The following PCDHGA2 variants were observed in gnomAD, a reference collection of about 807,000 sequenced individuals.
PCDHGA2 encodes the protein protocadherin gamma subfamily A, 2, also known as protocadherin gamma-A2.
PCDHGA2 carries 40 observed loss-of-function variants against 59.2 expected under a neutral mutation model. The observed-to-expected ratio is 0.68, with a 90% CI of 0.52 to 0.88. The LOEUF (loss-of-function observed/expected upper bound fraction) is 0.88, where lower values mean the gene tolerates loss of function less well. Among genes scored for constraint, PCDHGA2 ranks in the 40% least tolerant of loss-of-function variants. The pLI is 0.00. For synonymous variants in PCDHGA2, 560 were observed against 526.0 expected, an observed-to-expected ratio of 1.06 and a Z score of -0.89; for missense variants, 1,226 against 1,204.0, an observed-to-expected ratio of 1.02 and a Z score of -0.27.
At chr5:141,505,296 G>A (rs1174492966) in intron 2 of PCDHGA2, 97 bp from the exon 3 acceptor site, 1 of 1,584,850 alleles carries the variant, frequency 6.3e-7, no homozygotes, top group Non-Finnish European at 8.6e-7. Context: ...ATGGGGTAGG[G>A]TTAGGGTACT....
Position 141,487,631 on chromosome 5 carries a change from G to T in PCDHGA2, c.2425-7176G>T. Reference sequence around the variant, plus strand: ...TGGGCTAGAGGTGAGACCTTTGCAGGCTCAACAAATGCTTGAGGGTTATTC... The same window carrying T: ...TGGGCTAGAGGTGAGACCTTTGCAGTCTCAACAAATGCTTGAGGGTTATTC... On this transcript the variant is annotated intron_variant, in intron 1 of 3. Transcript: ENST00000394576. The surrounding 1 kb of genome is among the most constrained non-coding windows in gnomAD (Gnocchi z 5.0). The T allele has an allele frequency of 6.2e-7, 1 of 1,614,176 alleles. No individual in the cohort carries two copies. Among genetic ancestry groups the T allele is most frequent in the Non-Finnish European group, 8.5e-7 (1 of 1,180,032 alleles).
At chr5:141,392,665 T>C (rs1169450587) in intron 1 of PCDHGA2, 3 of 818,380 alleles carry the variant, frequency 3.7e-6, no homozygotes, top group Non-Finnish European at 5.4e-6. Context: ...TGCCACAAAC[T>C]AACTGCTGGA....
intron 1 of PCDHGA2, chr5:141,408,692 A>C: frequency 6.2e-7 from 1 of 1,613,906 alleles, no homozygotes; most frequent in Non-Finnish European, 8.5e-7. Context: ...TGATATAAAC[A>C]TAAACTCAAT....
At chr5:141,428,358 G>A in intron 1 of PCDHGA2, 2 of 565,492 alleles carry the variant, frequency 3.5e-6, no homozygotes, top group South Asian at 1.9e-5. Context: ...TGATTTTGGC[G>A]GTCGCCTTGC....
At chr5:141,461,614 T>G (rs954890718) in intron 1 of PCDHGA2, among the ~76,000 whole-genome samples, 11 of 152,208 alleles carry the variant, frequency 7.2e-5, no homozygotes, top group Non-Finnish European at 1.2e-4. Flanking sequence ...TTCAAAGTAT[T>G]TTCTAATACA....
At position 141,427,408 on chromosome 5, in the gene PCDHGA2, G is replaced by C. The variant is rs975709597; in HGVS notation, c.2425-67399G>C. ...TTCAAAACACATGATAAAGATTCGA[G>C]AGAAAATGGGGAGGTTACATGCCTC... On this transcript the variant is annotated intron_variant, in intron 1 of 3. Coordinates refer to ENST00000394576, the MANE Select transcript of PCDHGA2 (RefSeq NM_018915.4). The C allele has an allele frequency of 1.3e-5, 6 of 463,300 alleles. No homozygotes were observed. In the Admixed American group the frequency reaches 1.4e-4, roughly 11 times the overall value. The allele number at this position is 463,300 out of a possible 1,614,324, so 28.7% of individuals were successfully genotyped here. A position where few individuals can be genotyped will look rare whatever the true frequency, so the allele number is the denominator to read the frequency against.
chr5:141,387,634 G>A, intron 1 of PCDHGA2: 3 of 589,412 alleles, frequency 5.1e-6, no homozygotes, highest in South Asian at 2.4e-5. Flanking sequence ...TCTGGGCGCC[G>A]CTGTTGGCCA....
At chr5:141,347,137 C>CTCTCTCTTTCTT (rs375338309) in intron 1 of PCDHGA2, among the ~76,000 whole-genome samples, 10 of 113,744 alleles carry the variant, frequency 8.8e-5, no homozygotes, top group South Asian at 3.1e-4. Flanking sequence ...CTCTGTTTCT[C>CTCTCTCTTTCTT]TCTTTCTTTC....
intron 1 of PCDHGA2, among the ~76,000 whole-genome samples, chr5:141,472,889 G>A (rs1163806093): frequency 6.6e-6 from 1 of 151,392 alleles, no homozygotes; most frequent in Non-Finnish European, 1.5e-5. Context: ...GGGAGGCTGA[G>A]GCAGGAGAAT....
chr5:141,430,987 C>T (rs1171599563), intron 1 of PCDHGA2: 2 of 1,613,690 alleles, frequency 1.2e-6, no homozygotes, highest in African/African-American at 2.7e-5. Context: ...AGCTTTTCGC[C>T]CTGAATCCGC....
chr5:141,423,693 G>T lies in PCDHGA2; in HGVS notation c.2425-71114G>T, dbSNP rs114008539. On this transcript the variant is annotated intron_variant, in intron 1 of 3. Transcript: ENST00000394576. ...TTATTTCTCTGCCTCCTAATTGTTG[G>T]TGTCTTGGCACAAGTCTTTTAAGGA... 910 of 1,396,244 alleles carry T rather than the reference G, an allele frequency of 6.5e-4. 7 individuals carry two copies. The African/African-American group carries it at 0.012, about 18-fold the overall frequency. 86.5% of individuals were successfully genotyped at this position (1,396,244 alleles called of 1,614,324 possible).
intron 1 of PCDHGA2, among the ~76,000 whole-genome samples, chr5:141,484,645 T>C (rs948669787): frequency 1.3e-5 from 2 of 151,970 alleles, no homozygotes; most frequent in Admixed American, 6.6e-5. Context: ...CACTCTCCAA[T>C]GGCTACTCTC....
At chr5:141,507,283 G>T (rs917383969) in intron 3 of PCDHGA2, 2 of 150,498 alleles carry the variant, frequency 1.3e-5, no homozygotes, top group Non-Finnish European at 2.9e-5. Context: ...GCATAAGTCA[G>T]TCTCAAATGT....
intron 1 of PCDHGA2, chr5:141,393,203 C>T (rs988866288): frequency 6.2e-7 from 1 of 1,613,514 alleles, no homozygotes; most frequent in Admixed American, 1.7e-5. Context: ...ACGATAATAA[C>T]CCAAAATTCC....
intron 1 of PCDHGA2, chr5:141,410,127 T>A (rs761667108): frequency 3.7e-6 from 6 of 1,612,926 alleles, no homozygotes; most frequent in Non-Finnish European, 5.1e-6. Context: ...CGCCAGCGCC[T>A]GCTGGTCGCT....
chr5:141,439,709 A>G (rs2098127560), intron 1 of PCDHGA2: 1 of 152,540 alleles, frequency 6.6e-6, no homozygotes, highest in African/African-American at 2.4e-5. Context: ...TATGGCTCCT[A>G]GTTCTACAAA....
rs966319513 is a variant in PCDHGA2 at position 141,366,126 on chromosome 5, G to A, written c.2424+24731G>A. 6 of 1,614,214 alleles carry A rather than the reference G, an allele frequency of 3.7e-6. No homozygotes were observed. The South Asian group carries it at 5.5e-5, about 15-fold the overall frequency. Reference sequence around the variant, plus strand: ...GTGGTAGCGGTGGACAAAGATTCAGGCCAGAACGCCTGGCTGTCCTACCGC... The same window carrying A: ...GTGGTAGCGGTGGACAAAGATTCAGACCAGAACGCCTGGCTGTCCTACCGC... On this transcript the variant is annotated intron_variant, in intron 1 of 3. Transcript: ENST00000394576.
At position 141,486,001 on chromosome 5, in the gene PCDHGA2, C is replaced by G. The variant is rs771993915; in HGVS notation, c.2425-8806C>G. 6.2e-7 allele frequency: 1 copy of G among 1,614,194 alleles called. No homozygotes were observed. Among genetic ancestry groups the G allele is most frequent in the Non-Finnish European group, 8.5e-7 (1 of 1,180,024 alleles). On this transcript the variant is annotated intron_variant, in intron 1 of 3. Transcript: ENST00000394576. The surrounding 1 kb of genome is among the most constrained non-coding windows in gnomAD (Gnocchi z 5.0). ...ACCCGGACCTGGGTCCCAGTGGTAACGTCACCTTTTATTTCAGTGGTCATA... is the reference window on the plus strand; with the variant it reads ...ACCCGGACCTGGGTCCCAGTGGTAAGGTCACCTTTTATTTCAGTGGTCATA...
At position 141,351,492 on chromosome 5, in the gene PCDHGA2, C is replaced by A. The variant is rs62623563; in HGVS notation, c.2424+10097C>A. The stretch of plus-strand genomic sequence containing the variant: ...GCTGGAGCCCTAAACCGGGAGCAGA[C>A]AGCAGACTACAACGTCACAATCATA... On this transcript the variant is annotated intron_variant, in intron 1 of 3. Coordinates refer to ENST00000394576, the MANE Select transcript of PCDHGA2 (RefSeq NM_018915.4). 6.5e-3 allele frequency: 10,416 copies of A among 1,613,942 alleles called. 45 individuals carry two copies. Among genetic ancestry groups the A allele is most frequent in the Non-Finnish European group, 6.8e-3 (8,045 of 1,179,860 alleles).
Sources: gnomAD v4.1 joint callset for allele counts (sites outside exome capture counted in the v4.1 genomes callset) on GRCh38, gnomAD v4.1.1 for gene constraint, Gnocchi (gnomAD v3.1) non-coding constraint, MANE v1.5 for transcripts, NCBI Gene and HGNC (gene_info 2026-07-23, HGNC 2026-07-21) for gene names.